The following MTDH variants were observed in gnomAD, a reference collection of about 807,000 sequenced individuals.
MTDH encodes metadherin, also known as protein LYRIC.
A neutral mutation model predicts 72.7 loss-of-function variants in MTDH; 34 were observed. The observed-to-expected ratio is 0.47, with a 90% CI of 0.36 to 0.62. MTDH has a LOEUF of 0.62. Among genes scored for constraint, MTDH ranks in the 20% least tolerant of loss-of-function variants. The pLI is 0.00. For synonymous variants in MTDH, 266 were observed against 268.9 expected (o/e 0.99, Z 0.10); for missense variants, 677 against 699.4 (o/e 0.97, Z 0.36).
intron 2 of MTDH, among the ~76,000 whole-genome samples, chr8:97,665,422 G>A (rs1475408602): frequency 6.6e-6 from 1 of 152,178 alleles, no homozygotes; most frequent in Non-Finnish European, 1.5e-5. Context: ...TGTGCTAATA[G>A]ATGCTAAAGA....
At chr8:97,662,834 A>G (rs1273552290) in intron 2 of MTDH, among the ~76,000 whole-genome samples, 1 of 151,444 alleles carries the variant, frequency 6.6e-6, no homozygotes, top group Non-Finnish European at 1.5e-5. Flanking sequence ...CAGTTTCTTA[A>G]TGCTTCCAAT....
At chr8:97,697,764 G>C (rs1041459979) in intron 6 of MTDH, among the ~76,000 whole-genome samples, 1 of 151,916 alleles carries the variant, frequency 6.6e-6, no homozygotes, top group Non-Finnish European at 1.5e-5. Flanking sequence ...GGTTGGATTT[G>C]GTCTGTGAGT....
chr8:97,656,669 T>A (rs1171650587), intron 1 of MTDH, among the ~76,000 whole-genome samples: 1 of 151,824 alleles, frequency 6.6e-6, no homozygotes, highest in Non-Finnish European at 1.5e-5. Context: ...TATGTCCTTG[T>A]TCCTACAGTC....
chr8:97,714,035 A>G (rs1814746360), intron 9 of MTDH, among the ~76,000 whole-genome samples: 2 of 152,232 alleles, frequency 1.3e-5, no homozygotes, highest in Admixed American at 6.5e-5. Flanking sequence ...ATAATGGTGA[A>G]ATGGGAAAAG....
intron 9 of MTDH, among the ~76,000 whole-genome samples, chr8:97,715,955 G>C (rs1456144635): frequency 6.6e-6 from 1 of 151,928 alleles, no homozygotes; most frequent in Non-Finnish European, 1.5e-5. Context: ...TCTAGGTTTA[G>C]AGTCAGATCT....
At chr8:97,722,453 A>G (rs1815167707) in intron 10 of MTDH, among the ~76,000 whole-genome samples, 1 of 151,832 alleles carries the variant, frequency 6.6e-6, no homozygotes, top group Non-Finnish European at 1.5e-5. Context: ...CACAAAAAAA[A>G]TAGCTGGGCG....
At chr8:97,655,692 C>T (rs1811945607) in intron 1 of MTDH, among the ~76,000 whole-genome samples, 14 of 152,196 alleles carry the variant, frequency 9.2e-5, no homozygotes, top group Admixed American at 9.2e-4. Context: ...TGGCTTATAC[C>T]TGTAATCCTA....
At chr8:97,712,482 A>G (rs1034627617) in intron 8 of MTDH, among the ~76,000 whole-genome samples, 3 of 152,054 alleles carry the variant, frequency 2.0e-5, no homozygotes, top group Non-Finnish European at 4.4e-5. Flanking sequence ...TTAACCATTT[A>G]CCTATTGAAG....
intron 6 of MTDH, among the ~76,000 whole-genome samples, chr8:97,693,126 A>G (rs1049346614): frequency 6.6e-6 from 1 of 152,144 alleles, no homozygotes; most frequent in African/African-American, 2.4e-5. Context: ...CATAGTGCCT[A>G]AGTATTTTCT....
At chr8:97,672,737 A>G (rs1345044438) in intron 2 of MTDH, among the ~76,000 whole-genome samples, 1 of 152,234 alleles carries the variant, frequency 6.6e-6, no homozygotes, top group Non-Finnish European at 1.5e-5. Context: ...TGTGGCGAGA[A>G]TGGGATCTCA....
intron 6 of MTDH, among the ~76,000 whole-genome samples, chr8:97,695,937 T>C (rs961195755): frequency 1.2e-4 from 18 of 152,224 alleles, no homozygotes; most frequent in African/African-American, 4.3e-4. Context: ...TGACTTAAGC[T>C]GCATTCGTGG....
chr8:97,717,620 TA>T (rs1814925535), intron 9 of MTDH, among the ~76,000 whole-genome samples: 1 of 129,412 alleles, frequency 7.7e-6, no homozygotes, highest in South Asian at 2.9e-4. Flanking sequence ...AATAAATTTT[TA>T]TCCCCCCCCC....
chr8:97,683,408 T>G (rs1000168979), intron 2 of MTDH, among the ~76,000 whole-genome samples: 5 of 151,826 alleles, frequency 3.3e-5, no homozygotes, highest in Non-Finnish European at 4.4e-5. Context: ...TTTTTGGAGT[T>G]TTTTTGAGAC....
At chr8:97,652,223 G>C (rs543048490) in intron 1 of MTDH, among the ~76,000 whole-genome samples, 62 of 152,086 alleles carry the variant, frequency 4.1e-4, no homozygotes, top group Non-Finnish European at 7.9e-4. Flanking sequence ...TCCATGGCCC[G>C]TATGGCCCAG....
chr8:97,717,926 T>G (rs546722206), intron 9 of MTDH, among the ~76,000 whole-genome samples: 25 of 152,244 alleles, frequency 1.6e-4, no homozygotes, highest in Admixed American at 1.4e-3. Flanking sequence ...ATTTTTGTAT[T>G]TTTAGTAGAA....
In MTDH at chr8:97,644,344, T is replaced by C; in HGVS notation, c.-163T>C. 1.1e-6 allele frequency: 1 copy of C among 946,684 alleles called. No homozygotes were observed. The highest frequency in any genetic ancestry group is 1.5e-6 in the Non-Finnish European group (1 of 673,992). 58.6% of individuals were successfully genotyped at this position (946,684 alleles called of 1,614,324 possible). ...GGGAACCTGGGAGACCCCTCCGCCC[T>C]CCCCGCGGTGGCAGCGGCCGATCCC... On this transcript the variant is annotated 5_prime_UTR_variant, in exon 1 of 12. Transcript: ENST00000336273.
intron 8 of MTDH, among the ~76,000 whole-genome samples, chr8:97,708,405 C>G (rs971574269): frequency 4.8e-5 from 7 of 146,062 alleles, no homozygotes; most frequent in African/African-American, 1.8e-4. Flanking sequence ...CCTCAGCCTC[C>G]TGAGTAGCTG....
rs2130960877 is a variant in MTDH at position 97,672,533 on chromosome 8, A to G, written c.483+11360A>G. Among the ~76,000 whole-genome samples the G allele has an allele frequency of 1.3e-5, 2 of 152,356 alleles. 1 individual carries two copies. The highest frequency in any genetic ancestry group is 4.1e-4 in the South Asian group (2 of 4,826). ...CTGTTTTTCTGTAAAAAAGAATACC[A>G]TACCAGGAAAACCATATTTATCCCT... On this transcript the variant is annotated intron_variant, in intron 2 of 11. Transcript: ENST00000336273.
intron 2 of MTDH, among the ~76,000 whole-genome samples, chr8:97,678,196 T>A (rs1393499118): frequency 6.6e-6 from 1 of 152,206 alleles, no homozygotes; most frequent in Non-Finnish European, 1.5e-5. Flanking sequence ...TCCACAAAGA[T>A]ATATTCTCAA....
Sources: allele counts gnomAD v4.1 joint callset (sites outside exome capture counted in the v4.1 genomes callset), GRCh38; gene constraint gnomAD v4.1.1; transcripts MANE v1.5; gene names NCBI Gene and HGNC (gene_info 2026-07-23, HGNC 2026-07-21).